MSH4: variants seen among roughly 807,000 people sequenced by gnomAD.
The protein encoded by MSH4 is mutS homolog 4, also known as mutS protein homolog 4.
MSH4 carries 106 observed loss-of-function variants against 113.7 expected under a neutral mutation model. The ratio of observed to expected loss-of-function variants is 0.93; its 90% confidence interval spans 0.80 to 1.10. The LOEUF is 1.10. Among genes scored for constraint, MSH4 ranks in the 50% least tolerant of loss-of-function variants. The pLI is 0.00. For synonymous variants in MSH4, 368 were observed against 380.2 expected (o/e 0.97, Z 0.37); for missense variants, 1,061 against 1,093.7 (o/e 0.97, Z 0.42).
chr1:75,883,885 T>A, intron 15 of MSH4, 64 bp downstream of exon 15: 1 of 1,386,342 alleles, frequency 7.2e-7, no homozygotes, highest in Non-Finnish European at 9.9e-7. Context: ...TTGTGCCTAA[T>A]TTTTTTAGGG....
chr1:75,905,771 G>C (rs1652613320), intron 19 of MSH4, among the ~76,000 whole-genome samples: 1 of 151,988 alleles, frequency 6.6e-6, no homozygotes, highest in Admixed American at 6.6e-5. Flanking sequence ...ATGTCCTCTT[G>C]CTGAATTGAC....
chr1:75,811,371 A>T (rs1403259120), intron 4 of MSH4, among the ~76,000 whole-genome samples: 1 of 152,150 alleles, frequency 6.6e-6, no homozygotes, highest in Non-Finnish European at 1.5e-5. Flanking sequence ...AAAAGAAAAC[A>T]TGTTTTAGGT....
chr1:75,863,769 A>G (rs1403914527), intron 8 of MSH4, among the ~76,000 whole-genome samples: 1 of 151,878 alleles, frequency 6.6e-6, no homozygotes, highest in African/African-American at 2.4e-5. Flanking sequence ...CTCATTTCTC[A>G]TTTTCTTCTT....
At chr1:75,870,140 T>C (rs1460011291) in intron 9 of MSH4, among the ~76,000 whole-genome samples, 1 of 152,244 alleles carries the variant, frequency 6.6e-6, no homozygotes, top group Non-Finnish European at 1.5e-5. Flanking sequence ...TAGGTTTGAC[T>C]GTCCCACTGG....
Position 75,883,717 on chromosome 1 carries a change from A to G in MSH4, c.2003A>G (p.Tyr668Cys). 4 of 1,613,406 alleles carry G rather than the reference A, an allele frequency of 2.5e-6. No individual in the cohort carries two copies. The highest frequency in any genetic ancestry group is 3.4e-6 in the Non-Finnish European group (4 of 1,179,620). Residue 668 changes from tyrosine to cysteine, a missense_variant, in exon 15 of 20, where the codon TAT becomes TGT. Transcript: ENST00000263187. The stretch of plus-strand genomic sequence containing the variant: ...GAAAAACCTATTGCCAACAATACCT[A>G]TGTTACAGAAGGGAGTAATTTTTTG... ...SAEKPIANNT[Y>C]VTEGSNFLII...
chr1:75,893,893 G>T (rs1040381755), intron 17 of MSH4, among the ~76,000 whole-genome samples: 7 of 152,306 alleles, frequency 4.6e-5, no homozygotes, highest in African/African-American at 1.7e-4. Context: ...CAGTTTGATT[G>T]ACTGGCTGAA....
At chr1:75,815,229 AG>A in intron 5 of MSH4, 93 bp downstream of exon 5, 1 of 664,212 alleles carries the variant, frequency 1.5e-6, no homozygotes, top group Non-Finnish European at 2.4e-6. Flanking sequence ...ATAAATCTCC[AG>A]TGTGAGTTCC....
chr1:75,908,275 A>G (rs1371940893), intron 19 of MSH4, among the ~76,000 whole-genome samples: 1 of 149,038 alleles, frequency 6.7e-6, no homozygotes, highest in Non-Finnish European at 1.5e-5. Context: ...CCTCCTGTGT[A>G]GCTGGGATTA....
intron 8 of MSH4, among the ~76,000 whole-genome samples, chr1:75,863,523 T>C (rs5745417): frequency 3.9e-4 from 60 of 152,262 alleles, no homozygotes; most frequent in African/African-American, 1.2e-3. Flanking sequence ...TAAAGCAATA[T>C]TTTTTGGAAG....
At chr1:75,868,307 T>G (rs1421849345) in intron 9 of MSH4, among the ~76,000 whole-genome samples, 2 of 152,212 alleles carry the variant, frequency 1.3e-5, no homozygotes, top group Non-Finnish European at 2.9e-5. Context: ...ATTAATAAGT[T>G]ATTAATCTAT....
intron 15 of MSH4, 92 bp downstream of exon 15, chr1:75,883,913 C>A: frequency 9.8e-7 from 1 of 1,016,820 alleles, no homozygotes; most frequent in Non-Finnish European, 1.5e-6. Flanking sequence ...CCTAATTAAC[C>A]CAAGAACAGT....
At chr1:75,880,026 A>G (rs1286618436) in intron 12 of MSH4, 24 bp from the exon 13 acceptor site, 1 of 1,186,852 alleles carries the variant, frequency 8.4e-7, no homozygotes, top group Non-Finnish European at 1.3e-6. Context: ...TTATCTTGAC[A>G]TTTGTTTTTT....
At chr1:75,909,654 T>TC (rs1412992793) in intron 19 of MSH4, among the ~76,000 whole-genome samples, 6 of 101,248 alleles carry the variant, frequency 5.9e-5, no homozygotes, top group African/African-American at 7.6e-5. Context: ...TCCCACCCCC[T>TC]CCCCCCGCTG....
At position 75,848,276 on chromosome 1, in the gene MSH4, G is replaced by A. The variant is rs751271221; in HGVS notation, c.1230G>A (p.Thr410=). The stretch of plus-strand genomic sequence containing the variant: ...TAGTCCAAATTCCAAAGCAAGACAC[G>A]GTATGTTTTTGTATACATTTTGTAT... ...SVLVQIPKQD[T]VNAAESKITN... The change falls in exon 8 of 20, where the codon ACG becomes ACA. Residue 410 remains threonine (T), a splice_region_variant and synonymous_variant. Coordinates refer to ENST00000263187, the MANE Select transcript of MSH4 (RefSeq NM_002440.4). The A allele has an allele frequency of 4.6e-5, 73 of 1,590,422 alleles. No individual in the cohort carries two copies. Among genetic ancestry groups the A allele is most frequent in the Non-Finnish European group, 6.1e-5 (71 of 1,160,380 alleles).
chr1:75,851,279 T>C (rs1651181564), intron 8 of MSH4, among the ~76,000 whole-genome samples: 1 of 152,134 alleles, frequency 6.6e-6, no homozygotes, highest in Non-Finnish European at 1.5e-5. Flanking sequence ...CTGCCTTCTT[T>C]TGTATTTTTT....
At chr1:75,911,596 A>C (rs191824185) in intron 19 of MSH4, among the ~76,000 whole-genome samples, 1 of 152,072 alleles carries the variant, frequency 6.6e-6, no homozygotes, top group Non-Finnish European at 1.5e-5. Context: ...AAGCTCCTTG[A>C]GTTCTGTTAT....
At chr1:75,902,733 A>ATATATATATG (rs1465500851) in intron 19 of MSH4, among the ~76,000 whole-genome samples, 9 of 93,078 alleles carry the variant, frequency 9.7e-5, no homozygotes, top group African/African-American at 2.3e-4. Context: ...ATATATATAT[A>ATATATATATG]TAGTTCTTTT....
chr1:75,816,480 A>G lies in MSH4; in HGVS notation c.923A>G (p.Gln308Arg), dbSNP rs1167955423. ...AAGATTTGTTTCCAGGGTAGTGAAC[A>G]GACAGCCATGATAGATTCATCATCA... is the stretch of plus-strand genomic sequence containing the variant. The part of the protein sequence containing the change: ...SLKICFQGSE[Q>R]TAMIDSSSAQ... Residue 308 changes from glutamine to arginine, a missense_variant, in exon 6 of 20, where the codon CAG (glutamine) becomes CGG (arginine). Physicochemically the swap from Gln to Arg is conservative, Grantham distance 43 (BLOSUM62 1). Transcript: ENST00000263187. 5 of 1,609,832 alleles carry G rather than the reference A, an allele frequency of 3.1e-6. No individual in the cohort carries two copies. The highest frequency in any genetic ancestry group is 3.4e-6 in the Non-Finnish European group (4 of 1,177,432).
chr1:75,882,213 G>T (rs1209077272), intron 14 of MSH4, among the ~76,000 whole-genome samples: 1 of 151,994 alleles, frequency 6.6e-6, no homozygotes, highest in East Asian at 1.9e-4. Flanking sequence ...TCCAATGGTA[G>T]TTTTGTTTTT....
Sources: gnomAD v4.1 joint callset for allele counts (sites outside exome capture counted in the v4.1 genomes callset) on GRCh38, gnomAD v4.1.1 for gene constraint, MANE v1.5 for transcripts, NCBI Gene and HGNC (gene_info 2026-07-23, HGNC 2026-07-21) for gene names.